CDH18: variants seen among roughly 807,000 people sequenced by gnomAD.
The protein encoded by CDH18 is cadherin-18.
In CDH18, 31 loss-of-function variants were observed where a neutral mutation model predicts 67.9. The ratio of observed to expected loss-of-function variants is 0.46; its 90% CI spans 0.34 to 0.62. CDH18 has a LOEUF of 0.62. Among genes scored for constraint, CDH18 ranks in the 20% least tolerant of loss-of-function variants. The probability of loss-of-function intolerance (pLI) is 0.01; values close to 1 mark genes in which losing one functional copy is unlikely to be tolerated. For missense variants in CDH18, 890 were observed against 975.5 expected (o/e 0.91, Z 1.17); for synonymous variants, 362 against 347.2 (o/e 1.04, Z -0.48).
intron 3 of CDH18, among the ~76,000 whole-genome samples, chr5:19,805,583 A>G (rs1450860644): frequency 6.6e-6 from 1 of 152,072 alleles, no homozygotes; most frequent in Non-Finnish European, 1.5e-5. Flanking sequence ...ATACCTGCCT[A>G]TCTGCAGGCC....
intron 3 of CDH18, among the ~76,000 whole-genome samples, chr5:19,780,997 C>T (rs565394378): frequency 3.9e-5 from 6 of 151,988 alleles, no homozygotes; most frequent in South Asian, 2.1e-4. Flanking sequence ...ATATTTAAAA[C>T]GCCTGTAGAA....
intron 1 of CDH18, chr5:20,304,499 C>A (rs1048234549): frequency 1.3e-6 from 2 of 1,596,886 alleles, no homozygotes; most frequent in African/African-American, 1.3e-5. Context: ...TGGTTTAGTG[C>A]GAAATGGTGA....
chr5:19,866,376 A>C (rs1397829314), intron 2 of CDH18, among the ~76,000 whole-genome samples: 1 of 143,992 alleles, frequency 6.9e-6, no homozygotes, highest in Admixed American at 6.7e-5. Context: ...TCAATGCAGA[A>C]GAAAGGCAGT....
At chr5:19,731,215 C>A (rs779718388) in intron 4 of CDH18, among the ~76,000 whole-genome samples, 7 of 152,002 alleles carry the variant, frequency 4.6e-5, no homozygotes, top group Non-Finnish European at 1.0e-4. Flanking sequence ...TTTGGGAGGC[C>A]GAGACGGGTG....
chr5:20,066,378 T>C (rs1327828054), intron 2 of CDH18, among the ~76,000 whole-genome samples: 4 of 152,048 alleles, frequency 2.6e-5, no homozygotes, highest in Non-Finnish European at 5.9e-5. Context: ...ATAAAACATA[T>C]TTGGGATGCA....
At chr5:20,575,088 C>T (rs189294778) in intron 1 of CDH18, among the ~76,000 whole-genome samples, 260 of 151,934 alleles carry the variant, frequency 1.7e-3, no homozygotes, top group Non-Finnish European at 2.3e-3. Context: ...TCTTGATATG[C>T]TATTATTTAC....
At chr5:19,615,928 T>C (rs138693213) in intron 5 of CDH18, among the ~76,000 whole-genome samples, 8 of 152,316 alleles carry the variant, frequency 5.3e-5, no homozygotes, top group African/African-American at 1.9e-4. Context: ...ATTTATTTAC[T>C]CACTTACTGA....
intron 1 of CDH18, among the ~76,000 whole-genome samples, chr5:20,266,935 A>G (rs1449510271): frequency 6.6e-6 from 1 of 152,092 alleles, no homozygotes; most frequent in Non-Finnish European, 1.5e-5. Flanking sequence ...AATGCATAAT[A>G]TGTTCATTTT....
chr5:20,264,297 A>G (rs1744872559), intron 1 of CDH18, among the ~76,000 whole-genome samples: 2 of 152,096 alleles, frequency 1.3e-5, no homozygotes, highest in African/African-American at 2.4e-5. Context: ...TGAGTTCTCC[A>G]AAGAATCTTA....
chr5:20,526,280 C>G (rs921149442), intron 1 of CDH18, among the ~76,000 whole-genome samples: 1 of 152,114 alleles, frequency 6.6e-6, no homozygotes, highest in Non-Finnish European at 1.5e-5. Flanking sequence ...GACCGAGCAC[C>G]TAGCGGGGAG....
At chr5:20,486,166 T>A (rs1753161179) in intron 1 of CDH18, among the ~76,000 whole-genome samples, 1 of 152,190 alleles carries the variant, frequency 6.6e-6, no homozygotes, top group South Asian at 2.1e-4. Flanking sequence ...GAAGACTAGA[T>A]AAGCCCTAAG....
chr5:19,612,305 G>C, intron 6 of CDH18, 129 bp downstream of exon 6: 2 of 799,512 alleles, frequency 2.5e-6, no homozygotes, highest in South Asian at 3.7e-5. Flanking sequence ...ATGAAGAAGG[G>C]TGATCATATA....
At chr5:19,638,766 T>C (rs774002229) in intron 5 of CDH18, among the ~76,000 whole-genome samples, 1 of 151,826 alleles carries the variant, frequency 6.6e-6, no homozygotes, top group Non-Finnish European at 1.5e-5. Context: ...AAAAGACTAA[T>C]TATATTAAAA....
At chr5:19,849,231 T>C (rs917382811) in intron 2 of CDH18, among the ~76,000 whole-genome samples, 4 of 151,758 alleles carry the variant, frequency 2.6e-5, no homozygotes, top group African/African-American at 9.7e-5. Context: ...GGCATGAGAG[T>C]CAGCAGGATA....
chr5:20,525,801 TAC>T (rs61256041), intron 1 of CDH18, among the ~76,000 whole-genome samples: 10,267 of 148,544 alleles, frequency 0.069, 1,055 homozygotes, highest in African/African-American at 0.23. Flanking sequence ...GCTTCCACTA[TAC>T]ACACACACAC....
rs1480766519 is a variant in CDH18 at position 19,612,432 on chromosome 5, A to G, written c.811+2T>C. 6.2e-7 allele frequency: 1 copy of G among 1,613,764 alleles called. No individual in the cohort carries two copies. On this transcript the variant is annotated splice_donor_variant, in intron 6 of 12. Transcript: ENST00000382275. LOFTEE classifies it high-confidence loss of function. ...TTCAAATCATGGAAAACAAATACGT[A>G]CTTTGAGGAAAGCGTGGTGGGTTGT...
At chr5:20,247,502 C>A (rs1245672307) in intron 2 of CDH18, among the ~76,000 whole-genome samples, 6 of 152,084 alleles carry the variant, frequency 3.9e-5, no homozygotes, top group African/African-American at 1.4e-4. Context: ...CACAGTGGCT[C>A]ACGCCTGGAA....
chr5:20,376,998 C>T (rs1338535438), intron 1 of CDH18, among the ~76,000 whole-genome samples: 1 of 137,676 alleles, frequency 7.3e-6, no homozygotes, highest in African/African-American at 2.7e-5. Flanking sequence ...ACCTGGGTGA[C>T]AAGAATGAGA....
intron 1 of CDH18, among the ~76,000 whole-genome samples, chr5:20,568,722 G>T (rs766082731): frequency 4.6e-5 from 7 of 152,122 alleles, no homozygotes; most frequent in African/African-American, 1.2e-4. Flanking sequence ...CTATTCCTCC[G>T]AGGACTACTA....
Sources: gnomAD v4.1 joint callset for allele counts (sites outside exome capture counted in the v4.1 genomes callset) on GRCh38, gnomAD v4.1.1 for gene constraint, MANE v1.5 for transcripts, NCBI Gene and HGNC (gene_info 2026-07-23, HGNC 2026-07-21) for gene names.